ARB2A: variants seen among roughly 807,000 people sequenced by gnomAD.
The protein encoded by ARB2A is cotranscriptional regulator ARB2A.
the ARB2A span, among the ~76,000 whole-genome samples, chr5:93,859,389 A>C: frequency 1.3e-5 from 2 of 152,120 alleles, no homozygotes; most frequent in Admixed American, 6.5e-5. Context: ...ATATAAACCT[A>C]AATGTGAAAG....
chr5:93,638,434 G>A, the ARB2A span, among the ~76,000 whole-genome samples: 2 of 152,174 alleles, frequency 1.3e-5, no homozygotes, highest in Non-Finnish European at 2.9e-5. Context: ...ATGAACATAT[G>A]TCTTTTAGCT....
At chr5:93,793,622 G>C in the ARB2A span, among the ~76,000 whole-genome samples, 1 of 152,114 alleles carries the variant, frequency 6.6e-6, no homozygotes, top group African/African-American at 2.4e-5. Flanking sequence ...TACAGAAATG[G>C]ATCAGGGAAG....
At chr5:93,856,479 T>C in the ARB2A span, among the ~76,000 whole-genome samples, 13 of 152,328 alleles carry the variant, frequency 8.5e-5, no homozygotes, top group African/African-American at 3.1e-4. Context: ...CTTTGTTCGT[T>C]TCTTTTTATT....
At chr5:93,881,119 G>GCTA in the ARB2A span, among the ~76,000 whole-genome samples, 2 of 151,618 alleles carry the variant, frequency 1.3e-5, no homozygotes, top group Non-Finnish European at 3.0e-5. Flanking sequence ...TTATGCTGAT[G>GCTA]CTATGTTTCC....
the ARB2A span, among the ~76,000 whole-genome samples, chr5:93,650,444 C>G: frequency 2.0e-5 from 3 of 151,900 alleles, no homozygotes; most frequent in Non-Finnish European, 4.4e-5. Flanking sequence ...GAAAAATGAT[C>G]AATGGGAATC....
chr5:93,833,848 T>C, the ARB2A span, among the ~76,000 whole-genome samples: 1 of 152,202 alleles, frequency 6.6e-6, no homozygotes, highest in Non-Finnish European at 1.5e-5. Context: ...TTAACTTTTA[T>C]TTGAGATTCA....
chr5:93,645,239 T>C, the ARB2A span, among the ~76,000 whole-genome samples: 8 of 152,254 alleles, frequency 5.3e-5, no homozygotes, highest in South Asian at 1.2e-3. Flanking sequence ...TGGGTCTCAG[T>C]TGAAATATGC....
the ARB2A span, among the ~76,000 whole-genome samples, chr5:93,676,320 TA>T: frequency 6.6e-6 from 1 of 152,204 alleles, no homozygotes; most frequent in Non-Finnish European, 1.5e-5. Flanking sequence ...CATGTATTCA[TA>T]AAATCTTTCT....
At chr5:93,740,611 G>C in the ARB2A span, 1 of 1,602,744 alleles carries the variant, frequency 6.2e-7, no homozygotes, top group Admixed American at 1.7e-5. Context: ...GGTGGCTGGG[G>C]CAGAGGAGTG....
the ARB2A span, among the ~76,000 whole-genome samples, chr5:93,918,021 T>C: frequency 6.6e-6 from 1 of 152,334 alleles, no homozygotes; most frequent in African/African-American, 2.4e-5. Flanking sequence ...TAAGCCACAT[T>C]TATAGTTTTA....
chr5:94,042,603 C>A, the ARB2A span, among the ~76,000 whole-genome samples: 1 of 152,122 alleles, frequency 6.6e-6, no homozygotes, highest in Non-Finnish European at 1.5e-5. Context: ...CTGCGCCCAG[C>A]CACAAAAGAT....
the ARB2A span, among the ~76,000 whole-genome samples, chr5:93,947,717 CCAT>C: frequency 7.5e-5 from 10 of 133,346 alleles, no homozygotes; most frequent in African/African-American, 2.8e-4. Context: ...CTTCCTGTGT[CCAT>C]GTGTTCTCAT....
chr5:93,778,876 C>T, the ARB2A span, among the ~76,000 whole-genome samples: 2 of 152,186 alleles, frequency 1.3e-5, no homozygotes, highest in East Asian at 1.9e-4. Context: ...TTGCTCAGCT[C>T]ACCTTTAACT....
At chr5:93,949,404 T>C in the ARB2A span, among the ~76,000 whole-genome samples, 7 of 151,642 alleles carry the variant, frequency 4.6e-5, no homozygotes, top group Non-Finnish European at 1.0e-4. Context: ...CTACTAAAAA[T>C]ACAAAAATTA....
At chr5:94,072,339 C>T in the ARB2A span, among the ~76,000 whole-genome samples, 1 of 151,726 alleles carries the variant, frequency 6.6e-6, no homozygotes, top group African/African-American at 2.4e-5. Context: ...GATCGAATTG[C>T]ACAGAACTCC....
chr5:93,677,440 A>G, the ARB2A span, among the ~76,000 whole-genome samples: 336 of 152,348 alleles, frequency 2.2e-3, 2 homozygotes, highest in Middle Eastern at 0.01. Context: ...AACGCTGAGA[A>G]GGCGTAATCT....
chr5:93,624,181 T>C, the ARB2A span, among the ~76,000 whole-genome samples: 3 of 152,124 alleles, frequency 2.0e-5, no homozygotes, highest in African/African-American at 4.8e-5. Flanking sequence ...TAAAAGGATA[T>C]AAAAGGTAGA....
At chr5:93,634,349 G>A in the ARB2A span, among the ~76,000 whole-genome samples, 1 of 151,526 alleles carries the variant, frequency 6.6e-6, no homozygotes. Context: ...GCAGTGAGCC[G>A]AGATCGCGCC....
chr5:93,966,097 A>T, the ARB2A span, among the ~76,000 whole-genome samples: 126 of 152,142 alleles, frequency 8.3e-4, no homozygotes, highest in Middle Eastern at 3.4e-3. Flanking sequence ...GTAAACTAAA[A>T]ATGTGGAGGT....
Sources: allele counts gnomAD v4.1 joint callset (sites outside exome capture counted in the v4.1 genomes callset), GRCh38; gene constraint gnomAD v4.1.1; transcripts MANE v1.5; gene names NCBI Gene and HGNC (gene_info 2026-07-23, HGNC 2026-07-21).